LLGL2: variants seen among roughly 807,000 people sequenced by gnomAD.
LLGL2 encodes the protein LLGL scribble cell polarity complex component 2.
LLGL2 carries 81 observed loss-of-function variants against 123.2 expected under a neutral mutation model. The ratio of observed to expected loss-of-function variants is 0.66; its 90% CI spans 0.55 to 0.79. The LOEUF is 0.79. LLGL2 is among the 30% of genes least tolerant of loss of function. The pLI, the probability that LLGL2 is intolerant of heterozygous loss-of-function variation, is 0.00. For missense variants in LLGL2, 1,273 were observed against 1,414.6 expected (o/e 0.90, Z 1.61); for synonymous variants, 577 against 594.1 (o/e 0.97, Z 0.42).
Position 75,540,459 on chromosome 17 carries a change from G to A in LLGL2, c.-30-2938G>A, listed in dbSNP as rs566894917. Among the ~76,000 whole-genome samples, 11 of 152,286 alleles carry A rather than the reference G, an allele frequency of 7.2e-5. No homozygotes were observed. In the South Asian group the frequency reaches 1.9e-3, roughly 26 times the overall value. Reference sequence around the variant, plus strand: ...CCCATGCCCATGAGGTCCCAGCCCCGTGTGGGAAGAGCAGCAGGTCCACAC... The same window carrying A: ...CCCATGCCCATGAGGTCCCAGCCCCATGTGGGAAGAGCAGCAGGTCCACAC... On this transcript the variant is annotated intron_variant, in intron 1 of 25. Coordinates refer to ENST00000392550, the MANE Select transcript of LLGL2 (RefSeq NM_001031803.2).
chr17:75,557,206 C>T (rs1273235002), intron 3 of LLGL2, among the ~76,000 whole-genome samples: 2 of 152,038 alleles, frequency 1.3e-5, no homozygotes, highest in African/African-American at 4.8e-5. Flanking sequence ...TAACCTATCT[C>T]GATAAGAATC....
chr17:75,568,392 G>A, intron 10 of LLGL2, 84 bp from the exon 11 acceptor site: 3 of 1,512,730 alleles, frequency 2.0e-6, no homozygotes, highest in East Asian at 2.4e-5. Context: ...CAGATGCCCT[G>A]GCTCCAACCC....
chr17:75,533,428 C>G (rs2053885845), intron 1 of LLGL2, among the ~76,000 whole-genome samples: 2 of 151,572 alleles, frequency 1.3e-5, no homozygotes, highest in South Asian at 4.2e-4. Context: ...CCTCAGCCTC[C>G]TGAGTAGCTG....
At position 75,558,446 on chromosome 17, in the gene LLGL2, G is replaced by A. The variant is rs990067530; in HGVS notation, c.256-66G>A. On this transcript the variant is annotated intron_variant, in intron 4 of 25. Transcript: ENST00000392550. This position sits in a 1 kb window ranked among gnomAD's most constrained non-coding sequence, Gnocchi z 4.0. ...TCTTTTAAACAACTGGGGCTGCGTG[G>A]CCCCAGTGTGTAAAGGCCTTGCCTG... is the stretch of plus-strand genomic sequence containing the variant. 46 of 1,371,718 alleles carry A rather than the reference G, an allele frequency of 3.4e-5. No homozygotes were observed. The highest frequency in any genetic ancestry group is 1.0e-4 in the Admixed American group (5 of 49,526). 85.0% of individuals were successfully genotyped at this position (1,371,718 alleles called of 1,614,324 possible).
intron 1 of LLGL2, among the ~76,000 whole-genome samples, chr17:75,529,448 G>T (rs191402673): frequency 3.3e-5 from 5 of 151,972 alleles, no homozygotes; most frequent in Non-Finnish European, 7.4e-5. Context: ...CAAGTGATCT[G>T]CCTGCCTCAG....
chr17:75,542,232 AGATACCTTCTTCTC>A (rs2054241481), intron 1 of LLGL2, among the ~76,000 whole-genome samples: 1 of 151,378 alleles, frequency 6.6e-6, no homozygotes, highest in Non-Finnish European at 1.5e-5. Context: ...ACCTCAGCTT[AGATACCTTCTTCTC>A]GAAGGTATCT....
Position 75,558,996 on chromosome 17 carries a change from T to TCCGCACCCCAC in LLGL2, c.372-255_372-254insCGCACCCCACC. ...CTCCATCCGCACCCCGCCTCCTCCA[T>TCCGCACCCCAC]CTGCACCCCGCCTCCTCCATCCGCA... is the stretch of plus-strand genomic sequence containing the variant. On this transcript the variant is annotated intron_variant, in intron 5 of 25. Coordinates refer to ENST00000392550, the MANE Select transcript of LLGL2 (RefSeq NM_001031803.2). This position sits in a 1 kb window ranked among gnomAD's most constrained non-coding sequence, Gnocchi z 4.0. The TCCGCACCCCAC allele has an allele frequency of 1.8e-6, 1 of 547,922 alleles. No individual in the cohort carries two copies. Among genetic ancestry groups the TCCGCACCCCAC allele is most frequent in the African/African-American group, 2.0e-5 (1 of 49,844 alleles). The allele number at this position is 547,922 out of a possible 1,614,324, so 33.9% of individuals were successfully genotyped here. A position where few individuals can be genotyped will look rare whatever the true frequency, so the allele number is the denominator to read the frequency against.
chr17:75,557,945 C>T (rs774628973), intron 3 of LLGL2: 126 of 645,250 alleles, frequency 2.0e-4, no homozygotes, highest in Non-Finnish European at 3.3e-4. Flanking sequence ...GAAAAATCTC[C>T]CAGGGATCAG....
At position 75,573,087 on chromosome 17, in the gene LLGL2, G is replaced by T. The variant is rs533568617; in HGVS notation, c.2534G>T (p.Arg845Leu). The change falls in exon 20 of 26, where the codon CGG (arginine) becomes CTG (leucine). Residue 845 changes from arginine (R) to leucine (L), a missense_variant. Transcript: ENST00000392550. ...LTALEGSRVR[R>L]VSVAHFGSRR... The stretch of plus-strand genomic sequence containing the variant: ...GCCCTGGAGGGCTCAAGAGTGCGGC[G>T]GGTCAGCGTGGCCCACTTCGGCAGT... 1 of 1,612,808 alleles carries T rather than the reference G, an allele frequency of 6.2e-7. No homozygotes were observed. The highest frequency in any genetic ancestry group is 1.1e-5 in the South Asian group (1 of 91,068).
chr17:75,569,568 C>T (rs913985800), intron 14 of LLGL2, among the ~76,000 whole-genome samples: 5 of 152,080 alleles, frequency 3.3e-5, no homozygotes, highest in African/African-American at 9.7e-5. Context: ...TTTGGGAGAC[C>T]AAGGCAGGCG....
At chr17:75,546,542 C>A (rs1435768187) in intron 2 of LLGL2, among the ~76,000 whole-genome samples, 1 of 151,996 alleles carries the variant, frequency 6.6e-6, no homozygotes, top group African/African-American at 2.4e-5. Flanking sequence ...GTTGGGGGAG[C>A]CTTGGGACAG....
chr17:75,534,720 A>C (rs2053936806), intron 1 of LLGL2, among the ~76,000 whole-genome samples: 1 of 152,150 alleles, frequency 6.6e-6, no homozygotes, highest in Admixed American at 6.5e-5. Context: ...GGTTCAGTGG[A>C]TTCTCCTGCC....
intron 10 of LLGL2, chr17:75,567,946 AAAAG>A: frequency 1.7e-6 from 1 of 591,396 alleles, no homozygotes; most frequent in Non-Finnish European, 2.1e-6. Flanking sequence ...CTGTCTCGAG[AAAAG>A]AAAAAAAAAA....
At chr17:75,567,327 G>A (rs944680653) in intron 10 of LLGL2, among the ~76,000 whole-genome samples, 1 of 152,182 alleles carries the variant, frequency 6.6e-6, no homozygotes, top group Non-Finnish European at 1.5e-5. Flanking sequence ...GCCAGGCATT[G>A]GTGGTATGTG....
At chr17:75,552,395 G>C (rs1250545657) in intron 2 of LLGL2, among the ~76,000 whole-genome samples, 1 of 151,806 alleles carries the variant, frequency 6.6e-6, no homozygotes. Context: ...AGGCTGAGGC[G>C]GGAGGATCAC....
chr17:75,555,990 ATGG>A, intron 2 of LLGL2, 53 bp from the exon 3 acceptor site: 1 of 1,383,224 alleles, frequency 7.2e-7, no homozygotes, highest in Non-Finnish European at 1.0e-6. Context: ...TGCAGCAGCC[ATGG>A]TGGCGCGAAG....
At chr17:75,531,917 C>T (rs1295178457) in intron 1 of LLGL2, among the ~76,000 whole-genome samples, 2 of 152,098 alleles carry the variant, frequency 1.3e-5, no homozygotes, top group African/African-American at 4.8e-5. Context: ...CTGCAAGGCA[C>T]CTGACTCTAC....
chr17:75,556,103 C>T lies in LLGL2; in HGVS notation c.133C>T (p.Arg45Cys), dbSNP rs748801213. Reference sequence around the variant, plus strand: ...CGCCCTCGGCTACAGCCCGTCCCTGCGCATCCTGGCCATCGGCACCCGTTC... The same window carrying T: ...CGCCCTCGGCTACAGCCCGTCCCTGTGCATCCTGGCCATCGGCACCCGTTC... ...PSALGYSPSL[R>C]ILAIGTRSGA... Residue 45 changes from arginine (R) to cysteine (C), a missense_variant, in exon 3 of 26, where the codon CGC (arginine) becomes TGC (cysteine). By Grantham distance (180) the Arg-to-Cys change is radical. Transcript: ENST00000392550. The T allele has an allele frequency of 7.5e-6, 12 of 1,610,372 alleles. No homozygotes were observed. Among genetic ancestry groups the T allele is most frequent in the African/African-American group, 6.7e-5 (5 of 74,928 alleles).
intron 1 of LLGL2, among the ~76,000 whole-genome samples, chr17:75,541,496 T>G (rs1019925398): frequency 1.3e-5 from 2 of 152,166 alleles, no homozygotes; most frequent in Non-Finnish European, 2.9e-5. Context: ...TTGGATCAAG[T>G]GGGCCCTAGG....
Sources: gnomAD v4.1 joint callset for allele counts (sites outside exome capture counted in the v4.1 genomes callset) on GRCh38, gnomAD v4.1.1 for gene constraint, Gnocchi (gnomAD v3.1) non-coding constraint, MANE v1.5 for transcripts, NCBI Gene and HGNC (gene_info 2026-07-23, HGNC 2026-07-21) for gene names.